SNTG1: variants seen among roughly 807,000 people sequenced by gnomAD.
The protein encoded by SNTG1 is syntrophin gamma 1, also known as gamma-1-syntrophin.
Under a neutral mutation model 74.7 loss-of-function variants are expected in SNTG1, and 39 were observed. The observed-to-expected ratio is 0.52, with a 90% CI of 0.40 to 0.68. The LOEUF (loss-of-function observed/expected upper bound fraction) is 0.68, where lower values mean the gene tolerates loss of function less well. SNTG1 is among the 30% of genes least tolerant of loss of function. SNTG1 has a pLI of 0.00. For synonymous variants in SNTG1, 254 were observed against 217.1 expected, an observed-to-expected ratio of 1.17 and a Z score of -1.49; for missense variants, 685 against 609.5, an observed-to-expected ratio of 1.12 and a Z score of -1.30.
chr8:50,188,711 T>C (rs2083466653), intron 2 of SNTG1, among the ~76,000 whole-genome samples: 1 of 152,114 alleles, frequency 6.6e-6, no homozygotes, highest in Admixed American at 6.6e-5. Flanking sequence ...CAACTGTGAC[T>C]TTTGGGGGCA....
chr8:50,627,390 G>T (rs1411011381), intron 13 of SNTG1, among the ~76,000 whole-genome samples: 2 of 152,180 alleles, frequency 1.3e-5, no homozygotes, highest in African/African-American at 4.8e-5. Flanking sequence ...TTGCTCATCT[G>T]TCATGTGAGG....
chr8:50,165,231 T>C (rs2082572164), intron 1 of SNTG1, among the ~76,000 whole-genome samples: 1 of 152,202 alleles, frequency 6.6e-6, no homozygotes, highest in Non-Finnish European at 1.5e-5. Flanking sequence ...TAACATTTAG[T>C]CTCCATCCCC....
intron 13 of SNTG1, among the ~76,000 whole-genome samples, chr8:50,608,000 G>A (rs1020264975): frequency 2.0e-5 from 3 of 151,390 alleles, no homozygotes; most frequent in Non-Finnish European, 4.4e-5. Flanking sequence ...TAATTTTCAC[G>A]TTTTTGGAGC....
intron 4 of SNTG1, among the ~76,000 whole-genome samples, chr8:50,403,928 G>T (rs2092837128): frequency 6.6e-6 from 1 of 152,118 alleles, no homozygotes; most frequent in South Asian, 2.1e-4. Flanking sequence ...AATAATCAAT[G>T]TTGTTCACCA....
At chr8:50,432,240 C>T (rs1474696847) in intron 4 of SNTG1, among the ~76,000 whole-genome samples, 1 of 152,088 alleles carries the variant, frequency 6.6e-6, no homozygotes, top group African/African-American at 2.4e-5. Context: ...TGTCCAATTC[C>T]TCCAGCACTG....
intron 9 of SNTG1, among the ~76,000 whole-genome samples, chr8:50,503,814 G>C (rs1248628928): frequency 6.6e-6 from 1 of 152,044 alleles, no homozygotes; most frequent in African/African-American, 2.4e-5. Context: ...CCAGTATTTT[G>C]CTATAATAAA....
chr8:50,179,155 C>T (rs2083110738), intron 2 of SNTG1, among the ~76,000 whole-genome samples: 1 of 152,106 alleles, frequency 6.6e-6, no homozygotes, highest in South Asian at 2.1e-4. Context: ...TACTCTGTTC[C>T]ATTGGTCTAT....
intron 8 of SNTG1, among the ~76,000 whole-genome samples, chr8:50,474,846 G>C (rs2093683226): frequency 6.6e-6 from 1 of 152,042 alleles, no homozygotes; most frequent in Non-Finnish European, 1.5e-5. Flanking sequence ...ATCAATGATA[G>C]ACTGGATTAA....
chr8:50,224,940 A>T (rs1303802247), intron 2 of SNTG1, among the ~76,000 whole-genome samples: 1 of 152,136 alleles, frequency 6.6e-6, no homozygotes, highest in Non-Finnish European at 1.5e-5. Context: ...TGATAAAGGA[A>T]AGAATTAACT....
At chr8:50,113,944 A>G (rs2080711070) in intron 1 of SNTG1, among the ~76,000 whole-genome samples, 3 of 151,708 alleles carry the variant, frequency 2.0e-5, no homozygotes, top group Non-Finnish European at 2.9e-5. Context: ...AAATAAATAA[A>G]TAAATAAATA....
intron 13 of SNTG1, among the ~76,000 whole-genome samples, chr8:50,631,771 C>T (rs1295735470): frequency 5.3e-5 from 8 of 152,158 alleles, no homozygotes; most frequent in Admixed American, 5.2e-4. Flanking sequence ...CAGAAAAGCA[C>T]AGTGTGAATC....
intron 9 of SNTG1, among the ~76,000 whole-genome samples, chr8:50,529,876 A>G (rs1320218344): frequency 1.4e-5 from 2 of 142,732 alleles, no homozygotes; most frequent in African/African-American, 5.0e-5. Flanking sequence ...TTCTAAGAGC[A>G]GGCCACTTTA....
intron 12 of SNTG1, among the ~76,000 whole-genome samples, chr8:50,569,300 T>G (rs1157314666): frequency 6.6e-6 from 1 of 152,078 alleles, no homozygotes; most frequent in Non-Finnish European, 1.5e-5. Context: ...CCCTTCAGGA[T>G]TCACAGACAC....
At chr8:50,262,577 T>C (rs931411190) in intron 2 of SNTG1, among the ~76,000 whole-genome samples, 1 of 151,938 alleles carries the variant, frequency 6.6e-6, no homozygotes, top group Non-Finnish European at 1.5e-5. Flanking sequence ...CCCAGCTAAT[T>C]TTTTTATATT....
intron 4 of SNTG1, among the ~76,000 whole-genome samples, chr8:50,431,319 A>T (rs1431801326): frequency 6.6e-6 from 1 of 152,166 alleles, no homozygotes; most frequent in Non-Finnish European, 1.5e-5. Context: ...GATAGGAGAT[A>T]TTGATAACAT....
At chr8:50,470,315 T>C (rs1480388900) in intron 8 of SNTG1, among the ~76,000 whole-genome samples, 2 of 152,214 alleles carry the variant, frequency 1.3e-5, no homozygotes, top group African/African-American at 4.8e-5. Context: ...AGACATTGTG[T>C]CCAGAATTGG....
intron 2 of SNTG1, among the ~76,000 whole-genome samples, chr8:50,206,093 G>A (rs574409919): frequency 1.0e-3 from 154 of 152,084 alleles, no homozygotes; most frequent in African/African-American, 2.9e-3. Flanking sequence ...AGTTTTTTCC[G>A]ATTCTGTGAA....
At chr8:50,054,441 T>C (rs1274867856) in intron 1 of SNTG1, among the ~76,000 whole-genome samples, 2 of 152,164 alleles carry the variant, frequency 1.3e-5, no homozygotes, top group Non-Finnish European at 2.9e-5. Context: ...ACTTATCTCC[T>C]TATCTGTTAC....
At chr8:50,235,106 AG>A (rs1236632864) in intron 2 of SNTG1, among the ~76,000 whole-genome samples, 1 of 152,164 alleles carries the variant, frequency 6.6e-6, no homozygotes, top group Non-Finnish European at 1.5e-5. Context: ...ATATATCAAA[AG>A]GAGTTGAAAT....
Sources: allele counts gnomAD v4.1 joint callset (sites outside exome capture counted in the v4.1 genomes callset), GRCh38; gene constraint gnomAD v4.1.1; transcripts MANE v1.5; gene names NCBI Gene and HGNC (gene_info 2026-07-23, HGNC 2026-07-21).